LRP1B: variants seen among roughly 807,000 people sequenced by gnomAD.
LRP1B encodes LDL receptor related protein 1B, also known as low-density lipoprotein receptor-related protein 1B.
A neutral mutation model predicts 556.6 loss-of-function variants in LRP1B; 217 were observed. That is an observed-to-expected ratio of 0.39 (90% CI 0.35 to 0.44). The LOEUF (loss-of-function observed/expected upper bound fraction) is 0.44. LRP1B is among the 20% of genes least tolerant of loss of function. The probability of loss-of-function intolerance (pLI) is 1.00; values close to 1 mark genes in which losing one functional copy is unlikely to be tolerated. For missense variants in LRP1B, 5,053 were observed against 5,620.8 expected (o/e 0.90, Z 3.23); for synonymous variants, 2,047 against 1,865.8 (o/e 1.10, Z -2.50).
chr2:141,544,678 T>C (rs1462322368), intron 2 of LRP1B, among the ~76,000 whole-genome samples: 1 of 151,910 alleles, frequency 6.6e-6, no homozygotes, highest in Non-Finnish European at 1.5e-5. Context: ...TTATTTCTTA[T>C]TTTTTGGGAC....
At chr2:141,555,742 G>A (rs757288821) in intron 2 of LRP1B, among the ~76,000 whole-genome samples, 7 of 151,800 alleles carry the variant, frequency 4.6e-5, no homozygotes, top group Non-Finnish European at 7.4e-5. Context: ...AGTAAGCCAC[G>A]TTGATGAGGT....
At chr2:141,382,902 C>G (rs1689691688) in intron 3 of LRP1B, among the ~76,000 whole-genome samples, 1 of 151,614 alleles carries the variant, frequency 6.6e-6, no homozygotes. Flanking sequence ...AGCTTTTTGC[C>G]TAGCAAAGGA....
At chr2:140,386,153 A>C in intron 66 of LRP1B, 144 bp from the exon 67 acceptor site, 4 of 636,830 alleles carry the variant, frequency 6.3e-6, no homozygotes, top group Non-Finnish European at 8.4e-6. Flanking sequence ...AATTGAAGGC[A>C]AGTGCTGAGG....
At chr2:140,368,490 A>G (rs1247246654) in intron 71 of LRP1B, among the ~76,000 whole-genome samples, 1 of 151,862 alleles carries the variant, frequency 6.6e-6, no homozygotes, top group African/African-American at 2.4e-5. Context: ...CCAGTATTAT[A>G]TAAAGTGTAA....
chr2:141,374,540 CT>C (rs1306788240), intron 3 of LRP1B, among the ~76,000 whole-genome samples: 2 of 152,214 alleles, frequency 1.3e-5, no homozygotes, highest in Middle Eastern at 3.4e-3. Flanking sequence ...TATGTGGTTT[CT>C]GGTGTCTTGA....
intron 6 of LRP1B, among the ~76,000 whole-genome samples, chr2:141,199,123 G>GCTCCTT (rs1681886003): frequency 6.6e-6 from 1 of 152,036 alleles, no homozygotes; most frequent in Non-Finnish European, 1.5e-5. Context: ...TTGTGATCAG[G>GCTCCTT]GTTCTGTTTC....
At chr2:142,069,236 TAA>T (rs1359610567) in intron 1 of LRP1B, among the ~76,000 whole-genome samples, 1 of 151,634 alleles carries the variant, frequency 6.6e-6, no homozygotes, top group African/African-American at 2.4e-5. Context: ...AAAAGAATAT[TAA>T]GTCAAAGAAG....
At chr2:141,630,304 C>T (rs1160969602) in intron 2 of LRP1B, among the ~76,000 whole-genome samples, 1 of 152,128 alleles carries the variant, frequency 6.6e-6, no homozygotes, top group South Asian at 2.1e-4. Flanking sequence ...AAAAACAATA[C>T]TAAGTCACTA....
chr2:141,571,274 A>AG (rs1167184265), intron 2 of LRP1B, among the ~76,000 whole-genome samples: 1 of 150,858 alleles, frequency 6.6e-6, no homozygotes, highest in Non-Finnish European at 1.5e-5. Flanking sequence ...TCAGATGAAT[A>AG]GGGCCTGAAG....
intron 13 of LRP1B, among the ~76,000 whole-genome samples, chr2:141,015,399 T>G (rs1387216009): frequency 6.6e-6 from 1 of 152,064 alleles, no homozygotes; most frequent in Non-Finnish European, 1.5e-5. Context: ...TGCTTGGTTA[T>G]AGAAAACTCA....
chr2:140,736,054 C>T (rs1318498703), intron 35 of LRP1B, among the ~76,000 whole-genome samples: 1 of 152,036 alleles, frequency 6.6e-6, no homozygotes, highest in Non-Finnish European at 1.5e-5. Context: ...GCTAGGGTGG[C>T]TCTTAAACAC....
intron 2 of LRP1B, among the ~76,000 whole-genome samples, chr2:141,642,003 AC>A (rs1558774466): frequency 7.5e-4 from 105 of 140,270 alleles, no homozygotes; most frequent in Admixed American, 1.9e-3. Flanking sequence ...AAACAAACAA[AC>A]AAAACCCCCC....
chr2:141,706,960 G>A (rs957080079), intron 2 of LRP1B, among the ~76,000 whole-genome samples: 24 of 152,120 alleles, frequency 1.6e-4, no homozygotes, highest in African/African-American at 5.1e-4. Context: ...GGTATATACT[G>A]TACATTATTT....
chr2:141,221,233 A>G (rs566401838), intron 6 of LRP1B, among the ~76,000 whole-genome samples: 20 of 152,110 alleles, frequency 1.3e-4, no homozygotes, highest in African/African-American at 4.8e-4. Flanking sequence ...GGAAAGCAGA[A>G]AAAAGCAAGG....
intron 1 of LRP1B, among the ~76,000 whole-genome samples, chr2:141,879,240 AT>A (rs1698874877): frequency 6.6e-6 from 1 of 151,892 alleles, no homozygotes; most frequent in Admixed American, 6.6e-5. Context: ...TTTTTAAAAA[AT>A]GTTACAGCCT....
intron 41 of LRP1B, among the ~76,000 whole-genome samples, chr2:140,607,848 T>C (rs10153916): frequency 0.23 from 34,615 of 151,910 alleles, 4,218 homozygotes; most frequent in Admixed American, 0.3. Context: ...ATGATTAACA[T>C]GGATAATTTT....
At chr2:140,540,899 C>T in intron 45 of LRP1B, 74 bp downstream of exon 45, 1 of 1,494,068 alleles carries the variant, frequency 6.7e-7, no homozygotes, top group Non-Finnish European at 9.1e-7. Flanking sequence ...CATGAATACA[C>T]TAACACAATT....
chr2:141,081,761 T>A (rs907123444), intron 7 of LRP1B, among the ~76,000 whole-genome samples: 1 of 152,206 alleles, frequency 6.6e-6, no homozygotes, highest in Non-Finnish European at 1.5e-5. Context: ...AGAACTTTAA[T>A]GGAACTGAGC....
chr2:141,399,863 C>T (rs1434259257), intron 3 of LRP1B, among the ~76,000 whole-genome samples: 2 of 152,208 alleles, frequency 1.3e-5, no homozygotes, highest in Non-Finnish European at 2.9e-5. Context: ...AGAGCAAGAA[C>T]TCCTACATGT....
Sources: gnomAD v4.1 joint callset for allele counts (sites outside exome capture counted in the v4.1 genomes callset) on GRCh38, gnomAD v4.1.1 for gene constraint, MANE v1.5 for transcripts, NCBI Gene and HGNC (gene_info 2026-07-23, HGNC 2026-07-21) for gene names.